The following PTPRG variants were observed in gnomAD, a reference collection of about 807,000 sequenced individuals.
PTPRG encodes receptor-type tyrosine-protein phosphatase gamma.
PTPRG carries 102 observed loss-of-function variants against 165.3 expected under a neutral mutation model. That is an observed-to-expected ratio of 0.62 (90% CI 0.53 to 0.73). The LOEUF is 0.73. Ranked by LOEUF, PTPRG falls within the 30% of genes least tolerant of loss-of-function variation. The pLI is 0.00. For synonymous variants in PTPRG, 675 were observed against 669.5 expected, an observed-to-expected ratio of 1.01 and a Z score of -0.13; for missense variants, 1,866 against 1,861.4, an observed-to-expected ratio of 1.00 and a Z score of -0.05.
intron 2 of PTPRG, among the ~76,000 whole-genome samples, chr3:61,906,606 C>A (rs2038663879): frequency 6.6e-6 from 1 of 151,988 alleles, no homozygotes; most frequent in Admixed American, 6.6e-5. Context: ...CCCATTTCTC[C>A]AAATAAAAAG....
chr3:62,093,594 A>G (rs1017731843), intron 5 of PTPRG, among the ~76,000 whole-genome samples: 2 of 152,208 alleles, frequency 1.3e-5, no homozygotes, highest in African/African-American at 4.8e-5. Context: ...AGGACGGTAT[A>G]CGTTTTCATG....
At chr3:61,911,294 T>A (rs1371187621) in intron 2 of PTPRG, among the ~76,000 whole-genome samples, 3 of 152,204 alleles carry the variant, frequency 2.0e-5, no homozygotes, top group African/African-American at 7.2e-5. Context: ...TTACTGTATT[T>A]TAAGTGTCTG....
At chr3:62,122,662 C>T (rs1022831723) in intron 5 of PTPRG, among the ~76,000 whole-genome samples, 1 of 152,150 alleles carries the variant, frequency 6.6e-6, no homozygotes, top group Non-Finnish European at 1.5e-5. Flanking sequence ...ACTGAAAATT[C>T]TATATCCCAG....
At chr3:61,833,446 G>C (rs1293936242) in intron 2 of PTPRG, among the ~76,000 whole-genome samples, 2 of 152,138 alleles carry the variant, frequency 1.3e-5, no homozygotes, top group Non-Finnish European at 2.9e-5. Flanking sequence ...GACAATTCCA[G>C]ACCTAAGCGA....
At chr3:61,925,777 C>T (rs761307031) in intron 2 of PTPRG, 3 of 396,898 alleles carry the variant, frequency 7.6e-6, no homozygotes, top group African/African-American at 2.1e-5. Flanking sequence ...GTCAAAGTTG[C>T]AGCACCTGCC....
At chr3:61,716,356 A>G (rs964556651) in intron 1 of PTPRG, among the ~76,000 whole-genome samples, 13 of 152,228 alleles carry the variant, frequency 8.5e-5, no homozygotes, top group Admixed American at 2.6e-4. Context: ...TATCTCAACT[A>G]GGAGACAGAA....
intron 1 of PTPRG, among the ~76,000 whole-genome samples, chr3:61,747,016 CAA>C (rs1161476074): frequency 1.3e-5 from 2 of 152,104 alleles, no homozygotes; most frequent in Non-Finnish European, 2.9e-5. Flanking sequence ...CCCAGCTACT[CAA>C]GAGGCTAAGT....
intron 2 of PTPRG, among the ~76,000 whole-genome samples, chr3:61,963,203 G>A (rs1019220577): frequency 6.6e-6 from 1 of 151,960 alleles, no homozygotes; most frequent in Non-Finnish European, 1.5e-5. Context: ...AGACTTTAAG[G>A]GGTTATTAAA....
chr3:62,178,445 T>C (rs1705520010), intron 8 of PTPRG, among the ~76,000 whole-genome samples: 1 of 152,212 alleles, frequency 6.6e-6, no homozygotes, highest in Non-Finnish European at 1.5e-5. Flanking sequence ...TAGGATGTCA[T>C]GCCAGTACTA....
chr3:61,744,621 C>T (rs567309343), intron 1 of PTPRG, among the ~76,000 whole-genome samples: 233 of 152,204 alleles, frequency 1.5e-3, no homozygotes, highest in Non-Finnish European at 2.5e-3. Flanking sequence ...TATCATGTGG[C>T]ACATTACTTG....
In PTPRG at chr3:61,743,532, A is replaced by T. The variant is rs142092282; in HGVS notation, c.86-5346A>T. Among the ~76,000 whole-genome samples, 148 of 152,220 alleles carry T rather than the reference A, an allele frequency of 9.7e-4. 1 individual carries two copies. Among genetic ancestry groups the T allele is most frequent in the African/African-American group, 3.4e-3 (143 of 41,530 alleles). ...CTGTGTGTGTGTGTGTGTTGGTTAAAATGTCATTAGAGATGACCTCTTTGA... is the reference window on the plus strand; with the variant it reads ...CTGTGTGTGTGTGTGTGTTGGTTAATATGTCATTAGAGATGACCTCTTTGA... On this transcript the variant is annotated intron_variant, in intron 1 of 29. Coordinates refer to ENST00000474889, the MANE Select transcript of PTPRG (RefSeq NM_002841.4).
chr3:61,656,205 C>T (rs77763501), intron 1 of PTPRG, among the ~76,000 whole-genome samples: 4,192 of 152,128 alleles, frequency 0.028, 191 homozygotes, highest in African/African-American at 0.095. Flanking sequence ...GTATTCCAGA[C>T]TGGGCAACAG....
chr3:61,947,071 T>A (rs1295473583), intron 2 of PTPRG, among the ~76,000 whole-genome samples: 1 of 152,180 alleles, frequency 6.6e-6, no homozygotes, highest in Non-Finnish European at 1.5e-5. Context: ...CATCGTTCTT[T>A]TAACAATAGC....
chr3:61,725,048 C>T (rs1309877650), intron 1 of PTPRG, among the ~76,000 whole-genome samples: 1 of 152,132 alleles, frequency 6.6e-6, no homozygotes, highest in African/African-American at 2.4e-5. Flanking sequence ...AACTCTTCAC[C>T]AAGCACCAGG....
chr3:62,108,911 T>A (rs1467996244), intron 5 of PTPRG, among the ~76,000 whole-genome samples: 11 of 152,222 alleles, frequency 7.2e-5, no homozygotes, highest in Non-Finnish European at 1.6e-4. Flanking sequence ...TAAATTTGTT[T>A]AATTTCTTTG....
In PTPRG at chr3:61,989,735, G is replaced by A. The variant is rs1488842070; in HGVS notation, c.301G>A (p.Glu101Lys). The stretch of plus-strand genomic sequence containing the variant: ...TGCGCGTGTTGGGGAAGAATACCAG[G>A]AACTGCAACTCGATGGCTTCGACAA... ...QYARVGEEYQ[E>K]LQLDGFDNES... Residue 101 changes from glutamate to lysine, a missense_variant, in exon 3 of 30, where the codon GAA (glutamate) becomes AAA (lysine). Physicochemically the swap from Glu to Lys is moderately conservative, Grantham distance 56. Coordinates refer to ENST00000474889, the MANE Select transcript of PTPRG (RefSeq NM_002841.4). The A allele has an allele frequency of 1.2e-6, 2 of 1,613,990 alleles. No homozygotes were observed. Among genetic ancestry groups the A allele is most frequent in the African/African-American group, 2.7e-5 (2 of 74,882 alleles).
At position 61,573,521 on chromosome 3, in the gene PTPRG, A is replaced by G. The variant is rs928048473; in HGVS notation, c.85+11149A>G. 2.0e-5 allele frequency among the ~76,000 whole-genome samples: 3 copies of G among 152,316 alleles called. No individual in the cohort carries two copies. The East Asian group carries it at 5.8e-4, about 29-fold the overall frequency. On this transcript the variant is annotated intron_variant, in intron 1 of 29. Coordinates refer to ENST00000474889, the MANE Select transcript of PTPRG (RefSeq NM_002841.4). Reference sequence around the variant, plus strand: ...TACAGATGGAAGATTTGAGGGGATGATTCCTTCACCCTTGTTTTAGTACAT... The same window carrying G: ...TACAGATGGAAGATTTGAGGGGATGGTTCCTTCACCCTTGTTTTAGTACAT...
chr3:62,071,127 TC>T (rs2106727984), intron 4 of PTPRG, among the ~76,000 whole-genome samples: 1 of 152,160 alleles, frequency 6.6e-6, no homozygotes, highest in Admixed American at 6.5e-5. Flanking sequence ...TTAATAAAAA[TC>T]CCCAGCAGTA....
At chr3:62,103,373 C>T (rs1337903287) in intron 5 of PTPRG, among the ~76,000 whole-genome samples, 1 of 152,246 alleles carries the variant, frequency 6.6e-6, no homozygotes, top group African/African-American at 2.4e-5. Flanking sequence ...GTTTTGCCTT[C>T]TCCTCCCACA....
Sources: gnomAD v4.1 joint callset for allele counts (sites outside exome capture counted in the v4.1 genomes callset) on GRCh38, gnomAD v4.1.1 for gene constraint, MANE v1.5 for transcripts, NCBI Gene and HGNC (gene_info 2026-07-23, HGNC 2026-07-21) for gene names.